The following NFASC variants were observed in gnomAD, a reference collection of about 807,000 sequenced individuals.
NFASC encodes the protein neurofascin.
Under a neutral mutation model 147.5 loss-of-function variants are expected in NFASC, and 43 were observed. That is an observed-to-expected ratio of 0.29 (90% CI 0.23 to 0.38). The LOEUF (loss-of-function observed/expected upper bound fraction) is 0.38, where lower values mean the gene tolerates loss of function less well. Among genes scored for constraint, NFASC ranks in the 10% least tolerant of loss-of-function variants. The probability of loss-of-function intolerance (pLI) is 1.00; values close to 1 mark genes in which losing one functional copy is unlikely to be tolerated. For missense variants in NFASC, 1,320 were observed against 1,689.0 expected, an observed-to-expected ratio of 0.78 and a Z score of 3.83; for synonymous variants, 622 against 665.5, an observed-to-expected ratio of 0.93 and a Z score of 1.01.
Position 204,906,919 on chromosome 1 carries a change from G to A in NFASC, c.-199-13713G>A, listed in dbSNP as rs950718556. On this transcript the variant is annotated intron_variant, in intron 1 of 29. Coordinates refer to ENST00000339876, the MANE Select transcript of NFASC (RefSeq NM_001005388.3). ...AGGATGGTCTGCATCTCCTGACCTT[G>A]TGATCCGCCCGCCTTGGCCTCCCAA... Among the ~76,000 whole-genome samples the A allele has an allele frequency of 1.1e-4, 17 of 152,138 alleles. No individual in the cohort carries two copies. In the East Asian group the frequency reaches 1.7e-3, roughly 16 times the overall value.
Position 204,879,533 on chromosome 1 carries a change from G to A in NFASC, c.-199-41099G>A, listed in dbSNP as rs574569215. 3.4e-3 allele frequency among the ~76,000 whole-genome samples: 516 copies of A among 152,292 alleles called. 4 individuals are homozygous for A. The highest frequency in any genetic ancestry group is 0.012 in the African/African-American group (492 of 41,554). ...AGGGGTGGGAGAGAGGAGAGATAAC[G>A]GGAACCATCCCTTAGGCTGCAGAAA... On this transcript the variant is annotated intron_variant, in intron 1 of 29. Coordinates refer to ENST00000339876, the MANE Select transcript of NFASC (RefSeq NM_001005388.3).
In NFASC at chr1:205,001,290, A is replaced by AT; in HGVS notation, c.3136+4_3136+5insT. ...TTTGTGGTTGAGTACATCGACAGTA[A>AT]GCATTGCTGTGCGGGGTGGTGGTGG... is the stretch of plus-strand genomic sequence containing the variant. On this transcript the variant is annotated splice_donor_region_variant and intron_variant, in intron 26 of 29. Coordinates refer to ENST00000339876, the MANE Select transcript of NFASC (RefSeq NM_001005388.3). 6.3e-7 allele frequency: 1 copy of AT among 1,596,018 alleles called. No homozygotes were observed. Among genetic ancestry groups the AT allele is most frequent in the Non-Finnish European group, 8.6e-7 (1 of 1,166,028 alleles).
intron 1 of NFASC, among the ~76,000 whole-genome samples, chr1:204,866,890 A>G (rs2077152834): frequency 6.6e-6 from 1 of 152,196 alleles, no homozygotes; most frequent in Non-Finnish European, 1.5e-5. Context: ...TTGGTGTACC[A>G]TATCCATGGT....
At chr1:205,002,557 G>C (rs760485078) in intron 26 of NFASC, 39 bp from the exon 27 acceptor site, 4 of 1,403,854 alleles carry the variant, frequency 2.8e-6, no homozygotes, top group Non-Finnish European at 3.8e-6. Flanking sequence ...CCAGCTCCTG[G>C]TGCCTGGCTC....
In NFASC at chr1:204,968,698, C is replaced by T. The variant is rs2095088789; in HGVS notation, c.819-100C>T. The T allele has an allele frequency of 9.4e-7, 1 of 1,068,428 alleles. No homozygotes were observed. Among genetic ancestry groups the T allele is most frequent in the South Asian group, 1.6e-5 (1 of 61,692 alleles). The allele number at this position is 1,068,428 out of a possible 1,614,324, so 66.2% of individuals were successfully genotyped here. The stretch of plus-strand genomic sequence containing the variant: ...TTAGAGGACATGCATCCTCCTGGGC[C>T]CAAGTATACTTTTAGGCCACCTGGG... On this transcript the variant is annotated intron_variant, in intron 9 of 29. Coordinates refer to ENST00000339876, the MANE Select transcript of NFASC (RefSeq NM_001005388.3). The surrounding 1 kb of genome is among the most constrained non-coding windows in gnomAD (Gnocchi z 5.4).
chr1:204,880,112 A>G (rs556704685), intron 1 of NFASC, among the ~76,000 whole-genome samples: 1 of 152,268 alleles, frequency 6.6e-6, no homozygotes, highest in African/African-American at 2.4e-5. Context: ...TTTATTTTAA[A>G]AGAAAACCTG....
chr1:204,987,581 C>A lies in NFASC; in HGVS notation c.2593+41C>A. ...CCCTTTCTCTTAGATAATCTGGGAA[C>A]CAGAAACCCCATTCTCACCACTTTT... is the stretch of plus-strand genomic sequence containing the variant. On this transcript the variant is annotated intron_variant, in intron 22 of 29. Transcript: ENST00000339876. This position sits in a 1 kb window ranked among gnomAD's most constrained non-coding sequence, Gnocchi z 4.4. 1.2e-6 allele frequency: 2 copies of A among 1,610,578 alleles called. No individual in the cohort carries two copies. Among genetic ancestry groups the A allele is most frequent in the Non-Finnish European group, 1.7e-6 (2 of 1,177,346 alleles).
intron 1 of NFASC, among the ~76,000 whole-genome samples, chr1:204,852,607 C>A (rs1303035154): frequency 6.6e-6 from 1 of 152,240 alleles, no homozygotes; most frequent in Non-Finnish European, 1.5e-5. Context: ...ATGCCTGGGA[C>A]AATGGCCTCT....
chr1:204,955,185 A>C (rs562122368), intron 7 of NFASC, among the ~76,000 whole-genome samples: 1 of 152,290 alleles, frequency 6.6e-6, no homozygotes, highest in Admixed American at 6.5e-5. Flanking sequence ...AATTGCTTAC[A>C]TCTCTGGGCC....
At chr1:204,884,403 T>G (rs2080908993) in intron 1 of NFASC, among the ~76,000 whole-genome samples, 1 of 152,106 alleles carries the variant, frequency 6.6e-6, no homozygotes, top group African/African-American at 2.4e-5. Context: ...CCTTGGGTAT[T>G]GAGAGCCTCT....
At chr1:204,926,404 A>C (rs57160295) in intron 2 of NFASC, among the ~76,000 whole-genome samples, 1 of 9,712 alleles carries the variant, frequency 1.0e-4, no homozygotes, top group African/African-American at 2.5e-4. Context: ...ATATATATAT[A>C]TATTTTTTTT....
At chr1:204,961,642 C>A (rs926454861) in intron 8 of NFASC, among the ~76,000 whole-genome samples, 18 of 152,262 alleles carry the variant, frequency 1.2e-4, no homozygotes, top group African/African-American at 4.1e-4. Flanking sequence ...TCTGCCCAGG[C>A]AGCACTTTGC....
chr1:204,944,861 G>A (rs1213387756), intron 3 of NFASC: 4 of 157,370 alleles, frequency 2.5e-5, no homozygotes, highest in Non-Finnish European at 5.6e-5. Context: ...CTTGGCTGGA[G>A]TAATCAGGAG....
intron 1 of NFASC, among the ~76,000 whole-genome samples, chr1:204,909,491 T>C (rs2086831121): frequency 1.3e-5 from 2 of 152,242 alleles, no homozygotes; most frequent in African/African-American, 4.8e-5. Flanking sequence ...CTTCACATAT[T>C]CTAGAACTAG....
chr1:205,009,404 C>T (rs1381086045), intron 27 of NFASC, 153 bp from the exon 28 acceptor site: 2 of 817,402 alleles, frequency 2.4e-6, no homozygotes, highest in South Asian at 1.3e-5. Flanking sequence ...TGTCCTTTAG[C>T]AGGGTAGTTT....
chr1:205,002,358 G>A (rs1483902814), intron 26 of NFASC, among the ~76,000 whole-genome samples: 1 of 152,214 alleles, frequency 6.6e-6, no homozygotes, highest in Non-Finnish European at 1.5e-5. Context: ...TGAGGAAAGC[G>A]AACTTCAGGA....
intron 23 of NFASC, chr1:204,990,046 C>G (rs2095690674): frequency 6.6e-6 from 1 of 152,388 alleles, no homozygotes; most frequent in Non-Finnish European, 1.5e-5. Flanking sequence ...GGCAGCTTCA[C>G]AAGCTGCCCA....
chr1:204,947,404 C>G (rs2093819709), intron 3 of NFASC, among the ~76,000 whole-genome samples: 1 of 152,192 alleles, frequency 6.6e-6, no homozygotes, highest in Admixed American at 6.5e-5. Flanking sequence ...AACGTTCTCG[C>G]CCTGCCAGGT....
chr1:205,006,494 C>G (rs2096115181), intron 27 of NFASC, among the ~76,000 whole-genome samples: 1 of 152,068 alleles, frequency 6.6e-6, no homozygotes, highest in Admixed American at 6.5e-5. Context: ...GCTAGGAGGG[C>G]GACAGCCTGG....
Sources: gnomAD v4.1 joint callset for allele counts (sites outside exome capture counted in the v4.1 genomes callset) on GRCh38, gnomAD v4.1.1 for gene constraint, Gnocchi (gnomAD v3.1) non-coding constraint, MANE v1.5 for transcripts, NCBI Gene and HGNC (gene_info 2026-07-23, HGNC 2026-07-21) for gene names.